Variants in MRPL21 observed in about 807,000 individuals in gnomAD.
MRPL21 encodes large ribosomal subunit protein bL21m.
A neutral mutation model predicts 27.3 loss-of-function variants in MRPL21; 20 were observed. That is an observed-to-expected ratio of 0.73 (90% CI 0.52 to 1.06). The LOEUF (loss-of-function observed/expected upper bound fraction) is 1.06, where lower values mean the gene tolerates loss of function less well. MRPL21 is among the 50% of genes least tolerant of loss of function. MRPL21 has a pLI of 0.00. For synonymous variants in MRPL21, 98 were observed against 101.5 expected, an observed-to-expected ratio of 0.97 and a Z score of 0.21; for missense variants, 249 against 251.4, an observed-to-expected ratio of 0.99 and a Z score of 0.06.
chr11:68,893,306 G>C, intron 5 of MRPL21, 97 bp downstream of exon 5: 1 of 1,580,982 alleles, frequency 6.3e-7, no homozygotes. Flanking sequence ...CAAAGAATAT[G>C]AATGCAACTC....
chr11:68,903,783 A>C lies in MRPL21; in HGVS notation c.28T>G (p.Leu10Val). Residue 10 changes from leucine to valine, a missense_variant, in exon 1 of 7, where the codon TTA (leucine) becomes GTA (valine). Coordinates refer to ENST00000362034, the MANE Select transcript of MRPL21 (RefSeq NM_181514.2). ...CTGCACGCGGACGCCAGCCGCCCTA[A>C]GGTGACCGTCAGGGAAGATGCTGCC... The part of the protein sequence containing the change: MAASSLTVT[L>V]GRLASACSHS... 1.2e-6 allele frequency: 2 copies of C among 1,612,638 alleles called. No homozygotes were observed. The highest frequency in any genetic ancestry group is 1.7e-6 in the Non-Finnish European group (2 of 1,179,974).
intron 1 of MRPL21, among the ~76,000 whole-genome samples, chr11:68,902,078 C>A (rs1371409967): frequency 6.6e-6 from 1 of 152,240 alleles, no homozygotes; most frequent in Non-Finnish European, 1.5e-5. Flanking sequence ...TCCTCTCCCA[C>A]AGGATTTCCT....
intron 2 of MRPL21, among the ~76,000 whole-genome samples, chr11:68,899,297 G>A (rs1470729942): frequency 6.6e-6 from 1 of 151,944 alleles, no homozygotes; most frequent in Non-Finnish European, 1.5e-5. Context: ...CCACTGCAAA[G>A]TAAAATTTCA....
intron 4 of MRPL21, among the ~76,000 whole-genome samples, chr11:68,895,308 C>T (rs1408105322): frequency 3.9e-5 from 6 of 151,948 alleles, no homozygotes; most frequent in Non-Finnish European, 7.4e-5. Flanking sequence ...ATCAAATAGA[C>T]GCCCCCAGCA....
chr11:68,898,194 CCACAGGGAACAATGGCTCATCATTCAAT>C (rs1857849121), intron 2 of MRPL21, among the ~76,000 whole-genome samples, 182 bp from the exon 3 acceptor site: 1 of 152,162 alleles, frequency 6.6e-6, no homozygotes, highest in Non-Finnish European at 1.5e-5. Context: ...CCTTTTAGAA[CCACAGGGAACAATGGCTCATCATTCAAT>C]AATCAAAGCA....
chr11:68,897,121 GC>G (rs1351989011), intron 3 of MRPL21, among the ~76,000 whole-genome samples: 1 of 152,156 alleles, frequency 6.6e-6, no homozygotes, highest in Non-Finnish European at 1.5e-5. Flanking sequence ...GCAATGAGGA[GC>G]CCCCCGTATC....
At chr11:68,898,498 C>T (rs895359409) in intron 2 of MRPL21, among the ~76,000 whole-genome samples, 4 of 152,250 alleles carry the variant, frequency 2.6e-5, no homozygotes, top group African/African-American at 9.6e-5. Context: ...GCTCCACCTC[C>T]ACCTCCTCCT....
intron 2 of MRPL21, among the ~76,000 whole-genome samples, 156 bp from the exon 3 acceptor site, chr11:68,898,168 GACAGGCTCCCT>G (rs1857847916): frequency 6.6e-6 from 1 of 152,246 alleles, no homozygotes; most frequent in Non-Finnish European, 1.5e-5. Context: ...TAACCCCGAG[GACAGGCTCCCT>G]GTATCCTTTT....
At chr11:68,902,556 A>C (rs904381127) in intron 1 of MRPL21, among the ~76,000 whole-genome samples, 1 of 152,212 alleles carries the variant, frequency 6.6e-6, no homozygotes, top group Non-Finnish European at 1.5e-5. Context: ...GAGAGTTCCC[A>C]TATGTCCCCT....
At chr11:68,895,836 A>G (rs567890652) in intron 4 of MRPL21, among the ~76,000 whole-genome samples, 1 of 152,118 alleles carries the variant, frequency 6.6e-6, no homozygotes, top group East Asian at 1.9e-4. Context: ...TGCCCACCTA[A>G]TTGTTTGGAA....
intron 6 of MRPL21, 54 bp downstream of exon 6, chr11:68,892,836 G>A (rs192610865): frequency 7.8e-5 from 124 of 1,586,402 alleles, no homozygotes; most frequent in Middle Eastern, 1.7e-4. Flanking sequence ...GTCCGCATGC[G>A]CCTGGGCAAC....
rs1171879030 is a variant in MRPL21 at position 68,896,696 on chromosome 11, T to C, written c.233-18A>G. Reference sequence around the variant, plus strand: ...CACGACCTCTGCAGGGGAAGGCGGGTGGGTGGGCAGTCACCCTCACCTGCT... The same window carrying C: ...CACGACCTCTGCAGGGGAAGGCGGGCGGGTGGGCAGTCACCCTCACCTGCT... On this transcript the variant is annotated intron_variant, in intron 3 of 6. Coordinates refer to ENST00000362034, the MANE Select transcript of MRPL21 (RefSeq NM_181514.2). The C allele has an allele frequency of 3.1e-6, 5 of 1,611,800 alleles. No homozygotes were observed. Among genetic ancestry groups the C allele is most frequent in the Middle Eastern group, 2.0e-4 (1 of 5,120 alleles).
intron 2 of MRPL21, 72 bp from the exon 3 acceptor site, chr11:68,898,084 C>A: frequency 8.0e-7 from 1 of 1,244,828 alleles, no homozygotes; most frequent in South Asian, 1.2e-5. Flanking sequence ...AAGAAATGGC[C>A]ACACACAAAT....
rs146772580 is a variant in MRPL21, at chr11:68,896,584, G to A, written c.327C>T (p.Thr109=). The change falls in exon 4 of 7, where the codon ACC becomes ACT. Residue 109 remains threonine (T), a synonymous_variant. Transcript: ENST00000362034. ...VHFASRQWKV[T]SEDLILIGNE... Reference sequence around the variant, plus strand: ...TTCCAATTAAGATCAGGTCTTCAGAGGTCACCTTCCACTGGCGGCTGGCAA... The same window carrying A: ...TTCCAATTAAGATCAGGTCTTCAGAAGTCACCTTCCACTGGCGGCTGGCAA... 12 of 1,614,128 alleles carry A rather than the reference G, an allele frequency of 7.4e-6. No individual in the cohort carries two copies. Among genetic ancestry groups the A allele is most frequent in the Non-Finnish European group, 1.0e-5 (12 of 1,180,054 alleles).
intron 4 of MRPL21, 142 bp downstream of exon 4, chr11:68,896,373 A>T: frequency 8.9e-7 from 1 of 1,126,198 alleles, no homozygotes; most frequent in South Asian, 1.4e-5. Flanking sequence ...GCGCCCCCCA[A>T]AGTCCCTTCT....
chr11:68,891,722 T>A, intron 6 of MRPL21: 1 of 534,474 alleles, frequency 1.9e-6, no homozygotes, highest in African/African-American at 1.9e-5. Context: ...TGAGGCTACC[T>A]GGAAGTGTCA....
At chr11:68,899,074 C>T (rs1013701161) in intron 2 of MRPL21, among the ~76,000 whole-genome samples, 3 of 152,132 alleles carry the variant, frequency 2.0e-5, no homozygotes, top group Non-Finnish European at 2.9e-5. Flanking sequence ...AGGCATGAGC[C>T]ACCGTGCCCA....
intron 4 of MRPL21, among the ~76,000 whole-genome samples, chr11:68,895,719 C>T (rs1213209519): frequency 6.6e-6 from 1 of 152,192 alleles, no homozygotes; most frequent in Admixed American, 6.5e-5. Context: ...TGCCCAGGCT[C>T]GAGTGCAGTG....
At chr11:68,892,859 AC>A in intron 6 of MRPL21, 30 bp downstream of exon 6, 2 of 1,600,218 alleles carry the variant, frequency 1.2e-6, no homozygotes, top group Non-Finnish European at 1.7e-6. Context: ...GCACCGTGCA[AC>A]AGGGCCCAGC....
Sources: allele counts gnomAD v4.1 joint callset (sites outside exome capture counted in the v4.1 genomes callset), GRCh38; gene constraint gnomAD v4.1.1; transcripts MANE v1.5; gene names NCBI Gene and HGNC (gene_info 2026-07-23, HGNC 2026-07-21).